The following ENOSF1 variants were observed in gnomAD, a reference collection of about 807,000 sequenced individuals.
ENOSF1 encodes mitochondrial enolase superfamily member 1.
A neutral mutation model predicts 68.2 loss-of-function variants in ENOSF1; 73 were observed. That is an observed-to-expected ratio of 1.07 (90% CI 0.89 to 1.30). The LOEUF (loss-of-function observed/expected upper bound fraction) is 1.30, where lower values mean the gene tolerates loss of function less well. Ranked by LOEUF, ENOSF1 falls within the 50% of genes most tolerant of loss-of-function variation. The pLI is 0.00. For missense variants in ENOSF1, 589 were observed against 554.5 expected, an observed-to-expected ratio of 1.06 and a Z score of -0.62; for synonymous variants, 223 against 210.4, an observed-to-expected ratio of 1.06 and a Z score of -0.52.
intron 11 of ENOSF1, among the ~76,000 whole-genome samples, chr18:681,199 C>T (rs1279994168): frequency 6.6e-6 from 1 of 152,164 alleles, no homozygotes; most frequent in African/African-American, 2.4e-5. Flanking sequence ...TGCGGTGGCT[C>T]ACTCTGACTG....
intron 3 of ENOSF1, among the ~76,000 whole-genome samples, chr18:694,875 T>C (rs1045210310): frequency 1.3e-5 from 2 of 150,264 alleles, no homozygotes; most frequent in African/African-American, 5.0e-5. Context: ...ACATATGTAC[T>C]TCTTTTTTCT....
chr18:706,457 ATCT>A lies in ENOSF1; in HGVS notation c.193+10_193+12del. 6.4e-7 allele frequency: 1 copy of A among 1,555,602 alleles called. No individual in the cohort carries two copies. The highest frequency in any genetic ancestry group is 8.9e-7 in the Non-Finnish European group (1 of 1,126,552). On this transcript the variant is annotated intron_variant, in intron 2 of 15. Coordinates refer to ENST00000647584, the MANE Select transcript of ENOSF1 (RefSeq NM_017512.7). ...TTAAGCATTCTGGAACCTCGAGAGA[ATCT>A]TCAACTCACCAACTTCAGTGCCTTT... is the stretch of plus-strand genomic sequence containing the variant.
rs529548508 is a variant in ENOSF1 at position 696,678 on chromosome 18, T to C, written c.309+562A>G. On this transcript the variant is annotated intron_variant, in intron 3 of 15. Transcript: ENST00000647584. ...AAATCTCAGGACCTCATCTCCTTAGTAGAACATTTTATTCAGCTAAATTCA... is the reference window on the plus strand; with the variant it reads ...AAATCTCAGGACCTCATCTCCTTAGCAGAACATTTTATTCAGCTAAATTCA... 2.6e-5 allele frequency among the ~76,000 whole-genome samples: 4 copies of C among 152,286 alleles called. No homozygotes were observed. In the East Asian group the frequency reaches 5.8e-4, roughly 22 times the overall value.
intron 2 of ENOSF1, among the ~76,000 whole-genome samples, chr18:703,782 T>C (rs2078627971): frequency 6.6e-6 from 1 of 152,162 alleles, no homozygotes; most frequent in African/African-American, 2.4e-5. Flanking sequence ...TGAAGTGTAA[T>C]CCGCAGTGTT....
chr18:685,860 C>T (rs1183354178), intron 10 of ENOSF1, 61 bp downstream of exon 10: 11 of 1,249,230 alleles, frequency 8.8e-6, no homozygotes, highest in Admixed American at 5.1e-5. Flanking sequence ...AATCTTGAAA[C>T]GAGTTGTATT....
chr18:669,930 C>T (rs1420187955), downstream of ENOSF1, among the ~76,000 whole-genome samples: 1 of 151,904 alleles, frequency 6.6e-6, no homozygotes, highest in Non-Finnish European at 1.5e-5. Context: ...CCATTGCACT[C>T]CAGCCTGGGC....
At chr18:704,657 G>A (rs1306320048) in intron 2 of ENOSF1, among the ~76,000 whole-genome samples, 13 of 147,110 alleles carry the variant, frequency 8.8e-5, no homozygotes, top group African/African-American at 2.5e-5. Context: ...CCAGGCTGGA[G>A]TGCAGCGGCG....
chr18:690,721 G>T (rs770331028), intron 7 of ENOSF1, 90 bp from the exon 8 acceptor site: 7 of 1,571,114 alleles, frequency 4.5e-6, no homozygotes, highest in Non-Finnish European at 5.2e-6. Flanking sequence ...CCCCTGGAGA[G>T]TCCAGCTGTT....
chr18:691,342 A>T (rs868436844), intron 5 of ENOSF1, 66 bp from the exon 6 acceptor site: 87 of 1,344,942 alleles, frequency 6.5e-5, no homozygotes, highest in Non-Finnish European at 8.6e-5. Context: ...TTTGTTTTTT[A>T]AAATTTATTA....
chr18:673,030 A>G lies in ENOSF1; in HGVS notation c.*1275T>C, dbSNP rs1567998479. The G allele has an allele frequency of 6.7e-7, 1 of 1,500,470 alleles. No individual in the cohort carries two copies. Among genetic ancestry groups the G allele is most frequent in the East Asian group, 2.3e-5 (1 of 43,602 alleles). 92.9% of individuals were successfully genotyped at this position (1,500,470 alleles called of 1,614,324 possible). On this transcript the variant is annotated 3_prime_UTR_variant, in exon 16 of 16. Transcript: ENST00000647584. Reference sequence around the variant, plus strand: ...TCAAAGGAGCTCGAAGGATATTGTCAGTCTTTAGGGGTTGGGCTGGATGCC... The same window carrying G: ...TCAAAGGAGCTCGAAGGATATTGTCGGTCTTTAGGGGTTGGGCTGGATGCC...
rs2790 is a variant in ENOSF1 at position 673,086 on chromosome 18, A to G, written c.*1219T>C. ...AAAAGTTCTTTTTGCTCTAAAAGAA[A>G]AAGGAACTAGGTCAAAAATCTGTCC... On this transcript the variant is annotated 3_prime_UTR_variant, in exon 16 of 16. Transcript: ENST00000647584. 0.22 allele frequency: 299,947 copies of G among 1,377,150 alleles called. 34,173 individuals carry two copies. The highest frequency in any genetic ancestry group is 0.39 in the East Asian group (16,642 of 43,016). The allele number at this position is 1,377,150 out of a possible 1,614,324, so 85.3% of individuals were successfully genotyped here.
chr18:694,902 G>A (rs183309816), intron 3 of ENOSF1, among the ~76,000 whole-genome samples: 1 of 151,892 alleles, frequency 6.6e-6, no homozygotes, highest in Non-Finnish European at 1.5e-5. Flanking sequence ...TTTGAATAAA[G>A]TTGCAAATAT....
Position 681,823 on chromosome 18 carries a change from G to A in ENOSF1, c.876+1423C>T, listed in dbSNP as rs56867274. 0.016 allele frequency among the ~76,000 whole-genome samples: 2,500 copies of A among 152,248 alleles called. 174 individuals are homozygous for A. The East Asian group carries it at 0.24, about 15-fold the overall frequency. ...ACATATCTCGGCTGTTCTCTCCAGC[G>A]AGGCTGCAATGTGGAAGGGGAGGGC... On this transcript the variant is annotated intron_variant, in intron 11 of 15. Transcript: ENST00000647584.
intron 12 of ENOSF1, 83 bp from the exon 13 acceptor site, chr18:677,955 T>C: frequency 1.4e-6 from 2 of 1,479,886 alleles, no homozygotes; most frequent in Non-Finnish European, 1.8e-6. Flanking sequence ...GCAGCCACTC[T>C]ATGCCAATAA....
intron 2 of ENOSF1, among the ~76,000 whole-genome samples, chr18:702,052 T>C (rs1295007243): frequency 6.6e-6 from 1 of 151,696 alleles, no homozygotes; most frequent in Non-Finnish European, 1.5e-5. Flanking sequence ...TTGCTTGAGC[T>C]CAGGAGTTCA....
chr18:697,964 T>G (rs1473237700), intron 2 of ENOSF1, among the ~76,000 whole-genome samples: 2 of 152,114 alleles, frequency 1.3e-5, no homozygotes, highest in Non-Finnish European at 2.9e-5. Flanking sequence ...TGGTTAATTT[T>G]GGTATTTTTT....
chr18:670,621 G>T lies in ENOSF1; in HGVS notation c.*3684C>A. 6.5e-7 allele frequency: 1 copy of T among 1,549,040 alleles called. No individual in the cohort carries two copies. Among genetic ancestry groups the T allele is most frequent in the South Asian group, 1.2e-5 (1 of 84,238 alleles). ...ATGAGTTGGCTTCTGTTTCTCTCCTGTTTTACTTTGCCTTTAGCTGTGGTC... is the reference window on the plus strand; with the variant it reads ...ATGAGTTGGCTTCTGTTTCTCTCCTTTTTTACTTTGCCTTTAGCTGTGGTC... On this transcript the variant is annotated 3_prime_UTR_variant, in exon 16 of 16. Coordinates refer to ENST00000647584, the MANE Select transcript of ENOSF1 (RefSeq NM_017512.7).
chr18:686,110 A>T lies in ENOSF1; in HGVS notation c.654-102T>A, dbSNP rs1364574264. 3 of 836,712 alleles carry T rather than the reference A, an allele frequency of 3.6e-6. No individual in the cohort carries two copies. The Admixed American group carries it at 5.4e-5, about 15-fold the overall frequency. 51.8% of individuals were successfully genotyped at this position (836,712 alleles called of 1,614,324 possible). On this transcript the variant is annotated intron_variant, in intron 9 of 15. Coordinates refer to ENST00000647584, the MANE Select transcript of ENOSF1 (RefSeq NM_017512.7). The stretch of plus-strand genomic sequence containing the variant: ...GACCGTCTCTGTCAACAATTCACAG[A>T]TATGTTTTTTAGTAACCTCTTGCTC...
At position 683,268 on chromosome 18, in the gene ENOSF1, A is replaced by G. The variant is rs758222721; in HGVS notation, c.854T>C (p.Leu285Pro). ...IEEPTSPDDI[L>P]GHATISKALV... ...TACCTTGGAAATGGTGGCGTGCCCC[A>G]GAATGTCATCAGGGGAGGTTGGCTC... Residue 285 changes from leucine to proline, a missense_variant, in exon 11 of 16, where the codon CTG (leucine) becomes CCG (proline). Leu to Pro is a moderately conservative substitution (Grantham distance 98). Coordinates refer to ENST00000647584, the MANE Select transcript of ENOSF1 (RefSeq NM_017512.7). 1.7e-5 allele frequency: 28 copies of G among 1,613,840 alleles called. No homozygotes were observed. The highest frequency in any genetic ancestry group is 2.3e-5 in the Non-Finnish European group (27 of 1,179,926).
Sources: allele counts gnomAD v4.1 joint callset (sites outside exome capture counted in the v4.1 genomes callset), GRCh38; gene constraint gnomAD v4.1.1; transcripts MANE v1.5; gene names NCBI Gene and HGNC (gene_info 2026-07-23, HGNC 2026-07-21).